Variants in CAMKMT observed in about 807,000 individuals in gnomAD.
CAMKMT encodes CaM KMT.
CAMKMT carries 53 observed loss-of-function variants against 48.0 expected under a neutral mutation model. The ratio of observed to expected loss-of-function variants is 1.10; its 90% CI spans 0.89 to 1.39. The LOEUF (loss-of-function observed/expected upper bound fraction) is 1.39, where lower values mean the gene tolerates loss of function less well. Among genes scored for constraint, CAMKMT ranks in the 40% most tolerant of loss-of-function variants. The pLI is 0.00. For synonymous variants in CAMKMT, 165 were observed against 152.3 expected (o/e 1.08, Z -0.61); for missense variants, 428 against 402.7 (o/e 1.06, Z -0.54).
At chr2:44,628,154 C>T (rs1356823620) in intron 3 of CAMKMT, among the ~76,000 whole-genome samples, 2 of 152,098 alleles carry the variant, frequency 1.3e-5, no homozygotes, top group Non-Finnish European at 2.9e-5. Flanking sequence ...CACTATGTCA[C>T]CCAGGCTAGT....
At chr2:44,606,808 ACC>A (rs11421579) in intron 3 of CAMKMT, among the ~76,000 whole-genome samples, 8 of 138,526 alleles carry the variant, frequency 5.8e-5, no homozygotes, top group Admixed American at 3.6e-4. Flanking sequence ...TCTTAATGTG[ACC>A]CCCCCCCCAC....
chr2:44,586,862 G>A (rs1572859616), intron 3 of CAMKMT, among the ~76,000 whole-genome samples: 1 of 152,282 alleles, frequency 6.6e-6, no homozygotes, highest in Non-Finnish European at 1.5e-5. Context: ...GTAGGTATAT[G>A]TTTAACTTTT....
chr2:44,686,403 A>AAC (rs1553437902), intron 3 of CAMKMT, among the ~76,000 whole-genome samples: 11 of 151,756 alleles, frequency 7.2e-5, no homozygotes, highest in African/African-American at 2.2e-4. Context: ...AAAAAAAAAA[A>AAC]AAAACAAAAC....
intron 3 of CAMKMT, 105 bp from the exon 4 acceptor site, chr2:44,704,178 G>A (rs1009903172): frequency 5.9e-6 from 4 of 682,182 alleles, no homozygotes; most frequent in African/African-American, 5.5e-5. Context: ...TAACAATGTT[G>A]TTTGATTGAA....
chr2:44,411,354 G>A (rs375087230), intron 3 of CAMKMT, among the ~76,000 whole-genome samples: 17 of 152,302 alleles, frequency 1.1e-4, no homozygotes, highest in African/African-American at 4.1e-4. Context: ...TTGTCTTATA[G>A]AAAAGTGACA....
intron 3 of CAMKMT, among the ~76,000 whole-genome samples, chr2:44,574,912 C>CTATT (rs955589163): frequency 1.3e-5 from 2 of 151,450 alleles, no homozygotes; most frequent in African/African-American, 4.9e-5. Flanking sequence ...AGCTAACTGG[C>CTATT]TATTTTTTCG....
intron 3 of CAMKMT, among the ~76,000 whole-genome samples, chr2:44,415,709 A>G (rs994755452): frequency 6.6e-6 from 1 of 152,204 alleles, no homozygotes; most frequent in African/African-American, 2.4e-5. Context: ...TATGAAAACA[A>G]TGATTCCACA....
At position 44,416,047 on chromosome 2, in the gene CAMKMT, T is replaced by A. The variant is rs562845528; in HGVS notation, c.376+25742T>A. Among the ~76,000 whole-genome samples the A allele has an allele frequency of 1.3e-3, 196 of 152,330 alleles. 1 individual carries two copies. The highest frequency in any genetic ancestry group is 4.7e-3 in the African/African-American group (194 of 41,578). On this transcript the variant is annotated intron_variant, in intron 3 of 10. Coordinates refer to ENST00000378494, the MANE Select transcript of CAMKMT (RefSeq NM_024766.5). ...AAATCCTTTTAAGATACTGAATAAT[T>A]GTTTCAGTTAACTAAATGCTTCATC...
chr2:44,433,090 T>C (rs1025563164), intron 3 of CAMKMT, among the ~76,000 whole-genome samples: 7 of 152,184 alleles, frequency 4.6e-5, no homozygotes, highest in African/African-American at 1.7e-4. Context: ...CAGCTCATTT[T>C]CTTGTGTAGT....
At chr2:44,742,952 C>T (rs1207053924) in intron 7 of CAMKMT, among the ~76,000 whole-genome samples, 2 of 152,176 alleles carry the variant, frequency 1.3e-5, no homozygotes, top group African/African-American at 4.8e-5. Flanking sequence ...AAATGCTAAT[C>T]ATCACAGTTA....
At chr2:44,690,151 G>A (rs1339352427) in intron 3 of CAMKMT, among the ~76,000 whole-genome samples, 2 of 152,174 alleles carry the variant, frequency 1.3e-5, no homozygotes, top group Admixed American at 1.3e-4. Flanking sequence ...TTAAATTTGA[G>A]ATTATAGTGA....
chr2:44,771,576 C>T (rs769997008), intron 10 of CAMKMT, among the ~76,000 whole-genome samples: 1 of 152,150 alleles, frequency 6.6e-6, no homozygotes, highest in African/African-American at 2.4e-5. Flanking sequence ...AGAGCCTTTG[C>T]AGTGTCTTGG....
chr2:44,659,925 G>C (rs1230236415), intron 3 of CAMKMT, among the ~76,000 whole-genome samples: 1 of 151,916 alleles, frequency 6.6e-6, no homozygotes, highest in Non-Finnish European at 1.5e-5. Flanking sequence ...TTTGGTCCCT[G>C]GACACCTCTT....
At chr2:44,566,615 C>A (rs1668632531) in intron 3 of CAMKMT, among the ~76,000 whole-genome samples, 2 of 151,786 alleles carry the variant, frequency 1.3e-5, no homozygotes, top group African/African-American at 4.8e-5. Context: ...TTTGCCACAG[C>A]AGCAAAAAAT....
At chr2:44,488,581 G>A (rs191806832) in intron 3 of CAMKMT, among the ~76,000 whole-genome samples, 14 of 151,888 alleles carry the variant, frequency 9.2e-5, no homozygotes, top group Admixed American at 5.9e-4. Context: ...GTGCACCTGT[G>A]ATCCCAGCTA....
In CAMKMT at chr2:44,707,383, C is replaced by A; in HGVS notation, c.493-16C>A. ...ATATTTGCTCATTGTTTGCTGTGCT[C>A]CCTTTTTTTTTTCAGGTTGCTATTT... On this transcript the variant is annotated splice_polypyrimidine_tract_variant and intron_variant, in intron 5 of 10. Transcript: ENST00000378494. 1.9e-6 allele frequency: 3 copies of A among 1,610,686 alleles called. No homozygotes were observed. In the South Asian group the frequency reaches 3.3e-5, roughly 18 times the overall value.
intron 3 of CAMKMT, among the ~76,000 whole-genome samples, chr2:44,427,425 C>A (rs1318713586): frequency 1.3e-5 from 2 of 152,060 alleles, no homozygotes; most frequent in Admixed American, 6.6e-5. Flanking sequence ...AGACTAGTAT[C>A]CAGAATCTAT....
chr2:44,477,807 C>T (rs945686449), intron 3 of CAMKMT, among the ~76,000 whole-genome samples: 3 of 152,186 alleles, frequency 2.0e-5, no homozygotes, highest in Non-Finnish European at 4.4e-5. Context: ...GGCCTAAATT[C>T]AGGACTATTA....
chr2:44,633,108 A>C (rs1387921796), intron 3 of CAMKMT, among the ~76,000 whole-genome samples: 2 of 151,846 alleles, frequency 1.3e-5, no homozygotes, highest in African/African-American at 2.4e-5. Context: ...TTTTCATTCC[A>C]TTGTCCCCTG....
Sources: allele counts gnomAD v4.1 joint callset (sites outside exome capture counted in the v4.1 genomes callset), GRCh38; gene constraint gnomAD v4.1.1; transcripts MANE v1.5; gene names NCBI Gene and HGNC (gene_info 2026-07-23, HGNC 2026-07-21).